ALDH1A3: variants seen among roughly 807,000 people sequenced by gnomAD.
ALDH1A3 encodes retinaldehyde dehydrogenase 3.
A neutral mutation model predicts 57.5 loss-of-function variants in ALDH1A3; 28 were observed. That is an observed-to-expected ratio of 0.49 (90% CI 0.36 to 0.67). ALDH1A3 has a LOEUF of 0.67. Among genes scored for constraint, ALDH1A3 ranks in the 30% least tolerant of loss-of-function variants. ALDH1A3 has a pLI of 0.00. For missense variants in ALDH1A3, 507 were observed against 669.4 expected, an observed-to-expected ratio of 0.76 and a Z score of 2.68; for synonymous variants, 281 against 264.8, an observed-to-expected ratio of 1.06 and a Z score of -0.59.
At position 100,907,249 on chromosome 15, in the gene ALDH1A3, G is replaced by C. The variant is rs2041831282; in HGVS notation, c.1362G>C (p.Leu454Phe). Reference protein sequence around the residue: ...FTKNLDKALKLASALESGTVW... With the variant: ...FTKNLDKALKFASALESGTVW... ...AAAATCTCGACAAAGCCCTGAAGTT[G>C]GCTTCTGCCTTAGAGTCTGGAACGG... Residue 454 changes from leucine to phenylalanine, a missense_variant, in exon 11 of 13, where the codon TTG (leucine) becomes TTC (phenylalanine). By Grantham distance (22) the Leu-to-Phe change is conservative (BLOSUM62 0). Transcript: ENST00000329841. 1 of 1,614,112 alleles carries C rather than the reference G, an allele frequency of 6.2e-7. No homozygotes were observed. The highest frequency in any genetic ancestry group is 8.5e-7 in the Non-Finnish European group (1 of 1,180,044).
intron 6 of ALDH1A3, 109 bp from the exon 7 acceptor site, chr15:100,895,824 C>T: frequency 1.0e-6 from 1 of 961,902 alleles, no homozygotes; most frequent in Non-Finnish European, 1.6e-6. Context: ...CCAGCCCGGC[C>T]CGGGTTCCCT....
Position 100,908,573 on chromosome 15 carries a change from A to G in ALDH1A3, c.1466+91A>G, listed in dbSNP as rs1163717515. The G allele has an allele frequency of 1.3e-5, 16 of 1,194,384 alleles. No individual in the cohort carries two copies. In the East Asian group the frequency reaches 3.8e-4, roughly 29 times the overall value. The allele number at this position is 1,194,384 out of a possible 1,614,324, so 74.0% of individuals were successfully genotyped here. ...GTGACACAGGCTCCAATCTGCTGAC[A>G]CCCCGTCCCCCCCACACCGCCGCTC... On this transcript the variant is annotated intron_variant, in intron 12 of 12. Transcript: ENST00000329841.
Position 100,895,998 on chromosome 15 carries a change from T to C in ALDH1A3, c.732T>C (p.Ile244=). 1 of 1,613,686 alleles carries C rather than the reference T, an allele frequency of 6.2e-7. No individual in the cohort carries two copies. The highest frequency in any genetic ancestry group is 8.5e-7 in the Non-Finnish European group (1 of 1,179,838). The change falls in exon 7 of 13, where the codon ATT becomes ATC. Residue 244 remains isoleucine (I), a synonymous_variant. Transcript: ENST00000329841. ...PGFGPTVGAA[I]SSHPQINKIA... ...TCGGGCCCACAGTGGGAGCAGCAAT[T>C]TCTTCTCACCCTCAGATCAACAAGA... is the stretch of plus-strand genomic sequence containing the variant.
Position 100,914,945 on chromosome 15 carries a change from C to T in ALDH1A3, c.*172C>T, listed in dbSNP as rs987833512. The T allele has an allele frequency of 3.1e-6, 2 of 644,790 alleles. No homozygotes were observed. Among genetic ancestry groups the T allele is most frequent in the Non-Finnish European group, 5.3e-6 (2 of 375,986 alleles). The allele number at this position is 644,790 out of a possible 1,614,324, so 39.9% of individuals were successfully genotyped here. On this transcript the variant is annotated 3_prime_UTR_variant, in exon 13 of 13. Coordinates refer to ENST00000329841, the MANE Select transcript of ALDH1A3 (RefSeq NM_000693.4). ...TCCTCTCACTCTCCTGTTTATTCAC[C>T]AGACTGGGGATGCCTATAGGTTGTC...
intron 12 of ALDH1A3, among the ~76,000 whole-genome samples, chr15:100,912,703 T>G (rs1158795104): frequency 6.6e-6 from 1 of 152,208 alleles, no homozygotes; most frequent in Non-Finnish European, 1.5e-5. Flanking sequence ...TCTACATGAT[T>G]ATCTGTAATT....
intron 4 of ALDH1A3, 44 bp downstream of exon 4, chr15:100,892,683 C>T (rs774906458): frequency 1.9e-6 from 3 of 1,569,550 alleles, no homozygotes; most frequent in East Asian, 2.3e-5. Flanking sequence ...CCCTTTGGGG[C>T]TATATCTTTT....
chr15:100,880,012 G>C lies in ALDH1A3; in HGVS notation c.99+6G>C. On this transcript the variant is annotated splice_donor_region_variant and intron_variant, in intron 1 of 12. Transcript: ENST00000329841. ...TGGAGGTCAAGTTCACCAAGGTGAG[G>C]CGGGCGCCCCTCCCACCCGACGGCC... 6.9e-7 allele frequency: 1 copy of C among 1,455,396 alleles called. No individual in the cohort carries two copies. The highest frequency in any genetic ancestry group is 9.1e-7 in the Non-Finnish European group (1 of 1,099,268). The allele number at this position is 1,455,396 out of a possible 1,614,324, so 90.2% of individuals were successfully genotyped here. A position where few individuals can be genotyped will look rare whatever the true frequency, so the allele number is the denominator to read the frequency against.
chr15:100,893,873 C>T lies in ALDH1A3; in HGVS notation c.538-81C>T. On this transcript the variant is annotated intron_variant, in intron 5 of 12. Transcript: ENST00000329841. The surrounding 1 kb of genome is among the most constrained non-coding windows in gnomAD (Gnocchi z 4.8). ...ATCCAGACCATGAAAAGCAAGTGTCCTCCACAAAGGCATCGTTGAGCACAT... is the reference window on the plus strand; with the variant it reads ...ATCCAGACCATGAAAAGCAAGTGTCTTCCACAAAGGCATCGTTGAGCACAT... 1.3e-6 allele frequency: 2 copies of T among 1,536,790 alleles called. No individual in the cohort carries two copies. The highest frequency in any genetic ancestry group is 1.7e-6 in the Non-Finnish European group (2 of 1,143,704).
At chr15:100,911,262 G>A (rs924342418) in intron 12 of ALDH1A3, among the ~76,000 whole-genome samples, 3 of 152,096 alleles carry the variant, frequency 2.0e-5, no homozygotes, top group Non-Finnish European at 2.9e-5. Flanking sequence ...GGTTTTCCCC[G>A]TCCCCGGCCA....
intron 9 of ALDH1A3, among the ~76,000 whole-genome samples, chr15:100,905,206 A>C (rs1033470043): frequency 6.6e-6 from 1 of 152,200 alleles, no homozygotes; most frequent in African/African-American, 2.4e-5. Flanking sequence ...GGGAGAAGAA[A>C]GACTGTGACC....
rs555577831 is a variant in ALDH1A3 at position 100,898,198 on chromosome 15, C to T, written c.883+13C>T. 1.1e-5 allele frequency: 18 copies of T among 1,611,208 alleles called. No homozygotes were observed. In the African/African-American group the frequency reaches 2.3e-4, roughly 20 times the overall value. On this transcript the variant is annotated intron_variant, in intron 8 of 12. Transcript: ENST00000329841. ...GCGGACGCTGACTGTGAGTCTCTGCCCTCCTGGGCTTTGCTGGGGCTTCAG... is the reference window on the plus strand; with the variant it reads ...GCGGACGCTGACTGTGAGTCTCTGCTCTCCTGGGCTTTGCTGGGGCTTCAG...
At chr15:100,883,066 T>G (rs1018034244) in intron 1 of ALDH1A3, among the ~76,000 whole-genome samples, 3 of 152,200 alleles carry the variant, frequency 2.0e-5, no homozygotes, top group Non-Finnish European at 4.4e-5. Context: ...GGAGCATGCT[T>G]GGAGATGAAG....
chr15:100,882,539 G>A lies in ALDH1A3; in HGVS notation c.99+2533G>A, dbSNP rs556329974. On this transcript the variant is annotated intron_variant, in intron 1 of 12. Coordinates refer to ENST00000329841, the MANE Select transcript of ALDH1A3 (RefSeq NM_000693.4). The stretch of plus-strand genomic sequence containing the variant: ...CTTTTTGAGTTTAGCTGAGTGGCCT[G>A]TTGTCAGATGGAAGTTACGGGAAAT... Among the ~76,000 whole-genome samples, 4 of 152,350 alleles carry A rather than the reference G, an allele frequency of 2.6e-5. No individual in the cohort carries two copies. In the South Asian group the frequency reaches 8.3e-4, roughly 32 times the overall value.
Position 100,900,765 on chromosome 15 carries a change from C to A in ALDH1A3, c.1068+6C>A. On this transcript the variant is annotated splice_donor_region_variant and intron_variant, in intron 9 of 12. Transcript: ENST00000329841. ...AAACAGAACAGGGGCCTCAGGTAAT[C>A]CCCCTGGTGTGTGTGAAACCATGGT... The A allele has an allele frequency of 1.2e-6, 2 of 1,613,140 alleles. No homozygotes were observed. Among genetic ancestry groups the A allele is most frequent in the Non-Finnish European group, 1.7e-6 (2 of 1,179,562 alleles).
intron 3 of ALDH1A3, among the ~76,000 whole-genome samples, chr15:100,890,200 G>T (rs2041635997): frequency 6.6e-6 from 1 of 152,182 alleles, no homozygotes; most frequent in Non-Finnish European, 1.5e-5. Flanking sequence ...GCCCTGCCGT[G>T]CTGTTTTCCT....
At chr15:100,888,206 C>A (rs1567168377) in intron 3 of ALDH1A3, among the ~76,000 whole-genome samples, 1 of 152,106 alleles carries the variant, frequency 6.6e-6, no homozygotes, top group East Asian at 1.9e-4. Context: ...TAAAATGATT[C>A]TCTTGCCTCA....
chr15:100,914,696 C>G lies in ALDH1A3; in HGVS notation c.1467-5C>G. ...TTTGAATTTTCCTCTTTTCTGTGAT[C>G]ACAGAGGTGAATACGCTTTGGCCGA... On this transcript the variant is annotated splice_region_variant and splice_polypyrimidine_tract_variant and intron_variant, in intron 12 of 12. Transcript: ENST00000329841. The G allele has an allele frequency of 6.2e-7, 1 of 1,613,756 alleles. No homozygotes were observed.
chr15:100,892,470 G>A, intron 3 of ALDH1A3, 40 bp from the exon 4 acceptor site: 1 of 1,610,032 alleles, frequency 6.2e-7, no homozygotes, highest in Non-Finnish European at 8.5e-7. Context: ...CAAAAGAAAA[G>A]CAAGCTATGT....
At chr15:100,911,303 C>A (rs1442095324) in intron 12 of ALDH1A3, among the ~76,000 whole-genome samples, 1 of 152,192 alleles carries the variant, frequency 6.6e-6, no homozygotes, top group African/African-American at 2.4e-5. Context: ...GGCCGCCCAC[C>A]CACGGGCCCC....
Sources: allele counts gnomAD v4.1 joint callset (sites outside exome capture counted in the v4.1 genomes callset), GRCh38; gene constraint gnomAD v4.1.1; non-coding constraint Gnocchi (gnomAD v3.1); transcripts MANE v1.5; gene names NCBI Gene and HGNC (gene_info 2026-07-23, HGNC 2026-07-21).